SFRP1: variants seen among roughly 807,000 people sequenced by gnomAD.
SFRP1 encodes secreted frizzled related protein 1.
SFRP1 carries 9 observed loss-of-function variants against 25.9 expected under a neutral mutation model. That is an observed-to-expected ratio of 0.35 (90% confidence interval 0.21 to 0.61). The LOEUF (loss-of-function observed/expected upper bound fraction) is 0.61, where lower values mean the gene tolerates loss of function less well. Ranked by LOEUF, SFRP1 falls within the 20% of genes least tolerant of loss-of-function variation. SFRP1 has a pLI of 0.78. For missense variants in SFRP1, 346 were observed against 418.2 expected (o/e 0.83, Z 1.51); for synonymous variants, 178 against 174.0 (o/e 1.02, Z -0.18).
chr8:41,301,938 C>A (rs1803922592), intron 2 of SFRP1, among the ~76,000 whole-genome samples: 1 of 152,248 alleles, frequency 6.6e-6, no homozygotes, highest in Non-Finnish European at 1.5e-5. Flanking sequence ...CTCTAGACCC[C>A]TGCCCTACAC....
Position 41,264,400 on chromosome 8 carries a change from G to A in SFRP1, c.*767C>T, listed in dbSNP as rs1011161867. ...TCGCCGTCTCTCTCAGGCTCACTGT[G>A]GTTTCCTTTTTCTGACACAAAGGCA... On this transcript the variant is annotated 3_prime_UTR_variant, in exon 3 of 3. Transcript: ENST00000220772. 6.6e-6 allele frequency: 1 copy of A among 152,166 alleles called. No homozygotes were observed. The highest frequency in any genetic ancestry group is 2.4e-5 in the African/African-American group (1 of 41,444). 9.4% of individuals were successfully genotyped at this position (152,166 alleles called of 1,614,324 possible).
Position 41,290,091 on chromosome 8 carries a change from C to T in SFRP1, c.622+13370G>A, listed in dbSNP as rs139712378. On this transcript the variant is annotated intron_variant, in intron 2 of 2. Coordinates refer to ENST00000220772, the MANE Select transcript of SFRP1 (RefSeq NM_003012.5). ...AGCTCATCACACCACACACTACCCA[C>T]ATCTGTCTACACCCACACCTCACAG... Among the ~76,000 whole-genome samples, 233 of 152,366 alleles carry T rather than the reference C, an allele frequency of 1.5e-3. 1 individual carries two copies. Among genetic ancestry groups the T allele is most frequent in the African/African-American group, 5.0e-3 (208 of 41,586 alleles).
At chr8:41,270,737 C>T (rs891312935) in intron 2 of SFRP1, among the ~76,000 whole-genome samples, 5 of 151,104 alleles carry the variant, frequency 3.3e-5, no homozygotes, top group Admixed American at 6.6e-5. Flanking sequence ...GTAGGAGAAT[C>T]GCTTGAACCC....
chr8:41,288,713 T>C (rs1803739765), intron 2 of SFRP1, among the ~76,000 whole-genome samples: 1 of 152,156 alleles, frequency 6.6e-6, no homozygotes, highest in Non-Finnish European at 1.5e-5. Flanking sequence ...GCCATGCGAC[T>C]AGTAAATTGT....
chr8:41,268,041 A>T (rs1215616821), intron 2 of SFRP1, among the ~76,000 whole-genome samples: 1 of 152,162 alleles, frequency 6.6e-6, no homozygotes, highest in East Asian at 1.9e-4. Context: ...TAATATTTTA[A>T]TTTATTTTAT....
intron 2 of SFRP1, among the ~76,000 whole-genome samples, chr8:41,285,385 G>C (rs924599485): frequency 2.6e-5 from 4 of 152,006 alleles, no homozygotes; most frequent in African/African-American, 4.8e-5. Context: ...CAGCCCCTCG[G>C]GTTCCAGCCC....
intron 2 of SFRP1, among the ~76,000 whole-genome samples, chr8:41,294,020 G>C (rs1264793991): frequency 1.3e-5 from 2 of 151,756 alleles, no homozygotes; most frequent in East Asian, 3.9e-4. Context: ...TTACAGGCAT[G>C]AGCCACCATA....
At chr8:41,283,649 C>T (rs1803663295) in intron 2 of SFRP1, among the ~76,000 whole-genome samples, 1 of 150,740 alleles carries the variant, frequency 6.6e-6, no homozygotes, top group Non-Finnish European at 1.5e-5. Context: ...CACAATCTGC[C>T]TCCCAGGTTC....
chr8:41,274,740 A>T (rs1803551307), intron 2 of SFRP1, among the ~76,000 whole-genome samples: 1 of 152,256 alleles, frequency 6.6e-6, no homozygotes, highest in African/African-American at 2.4e-5. Flanking sequence ...TTTTTGTTAA[A>T]AACCATTCAT....
chr8:41,271,852 T>C (rs904389401), intron 2 of SFRP1, among the ~76,000 whole-genome samples: 3 of 151,710 alleles, frequency 2.0e-5, no homozygotes, highest in Non-Finnish European at 4.4e-5. Context: ...TAGTCCCAGC[T>C]ACTCAGGAAG....
In SFRP1 at chr8:41,309,056, T is replaced by A. The variant is rs754601948; in HGVS notation, c.104A>T (p.Asp35Val). 3.7e-6 allele frequency: 6 copies of A among 1,603,634 alleles called. No homozygotes were observed. The highest frequency in any genetic ancestry group is 5.1e-6 in the Non-Finnish European group (6 of 1,179,540). ...GATGTCCGACTGGAAGCTCACGTAG[T>A]CGTACTCGCTGGCCGAGCCCACGGC... ...LLAVGSASEY[D>V]YVSFQSDIGP... Residue 35 changes from aspartate to valine, a missense_variant, in exon 1 of 3, where the codon GAC (aspartate) becomes GTC (valine). Coordinates refer to ENST00000220772, the MANE Select transcript of SFRP1 (RefSeq NM_003012.5).
Position 41,265,075 on chromosome 8 carries a change from G to C in SFRP1, c.*92C>G. The stretch of plus-strand genomic sequence containing the variant: ...ACAATGTCCACTACTGACAGGCGCA[G>C]TGCGTGTGTGTGACCCACCGGGTTC... On this transcript the variant is annotated 3_prime_UTR_variant, in exon 3 of 3. Transcript: ENST00000220772. 1.2e-5 allele frequency: 10 copies of C among 842,800 alleles called. No homozygotes were observed. Among genetic ancestry groups the C allele is most frequent in the Non-Finnish European group, 1.8e-5 (10 of 542,082 alleles). 52.2% of individuals were successfully genotyped at this position (842,800 alleles called of 1,614,324 possible). A position where few individuals can be genotyped will look rare whatever the true frequency, so the allele number is the denominator to read the frequency against.
At chr8:41,265,798 G>A (rs925988424) in intron 2 of SFRP1, among the ~76,000 whole-genome samples, 1 of 152,196 alleles carries the variant, frequency 6.6e-6, no homozygotes, top group East Asian at 1.9e-4. Context: ...GTGGAACAAA[G>A]CTTTTCATCT....
intron 2 of SFRP1, among the ~76,000 whole-genome samples, chr8:41,284,949 C>G (rs1186746463): frequency 6.6e-6 from 1 of 152,232 alleles, no homozygotes; most frequent in African/African-American, 2.4e-5. Context: ...TCACTCTTCC[C>G]TACGCCCCAC....
intron 2 of SFRP1, among the ~76,000 whole-genome samples, chr8:41,301,790 A>C (rs569048096): frequency 6.6e-6 from 1 of 152,268 alleles, no homozygotes; most frequent in South Asian, 2.1e-4. Flanking sequence ...ACAGCTAATC[A>C]CTCAGATTCC....
intron 2 of SFRP1, among the ~76,000 whole-genome samples, chr8:41,280,835 G>A (rs938545938): frequency 2.6e-5 from 4 of 152,176 alleles, no homozygotes; most frequent in African/African-American, 7.2e-5. Context: ...TTGCAGGAAC[G>A]GGTGCTCGGC....
intron 1 of SFRP1, among the ~76,000 whole-genome samples, chr8:41,308,288 G>A (rs1471756834): frequency 6.6e-6 from 1 of 152,172 alleles, no homozygotes; most frequent in East Asian, 1.9e-4. Context: ...AAAGCGCAAG[G>A]CTTTGTTTCA....
At chr8:41,289,398 A>AT (rs995043582) in intron 2 of SFRP1, among the ~76,000 whole-genome samples, 2 of 152,100 alleles carry the variant, frequency 1.3e-5, no homozygotes, top group Non-Finnish European at 2.9e-5. Context: ...AATCTGTGTT[A>AT]TTTTTTTCTT....
At chr8:41,268,175 G>C (rs1382115476) in intron 2 of SFRP1, among the ~76,000 whole-genome samples, 1 of 152,142 alleles carries the variant, frequency 6.6e-6, no homozygotes, top group Non-Finnish European at 1.5e-5. Flanking sequence ...GATGAGAATG[G>C]GATATGTCTA....
Sources: allele counts gnomAD v4.1 joint callset (sites outside exome capture counted in the v4.1 genomes callset), GRCh38; gene constraint gnomAD v4.1.1; transcripts MANE v1.5; gene names NCBI Gene and HGNC (gene_info 2026-07-23, HGNC 2026-07-21).